Variants in HIP1 observed in about 807,000 individuals in gnomAD.
HIP1 encodes the protein huntingtin interacting protein 1, also known as huntingtin-interacting protein 1.
HIP1 carries 65 observed loss-of-function variants against 147.6 expected under a neutral mutation model. That is an observed-to-expected ratio of 0.44 (90% CI 0.36 to 0.54). HIP1 has a LOEUF of 0.54. Among genes scored for constraint, HIP1 ranks in the 20% least tolerant of loss-of-function variants. The pLI is 0.00. For missense variants in HIP1, 1,061 were observed against 1,299.6 expected (o/e 0.82, Z 2.82); for synonymous variants, 479 against 504.0 (o/e 0.95, Z 0.67).
At chr7:75,645,207 T>C (rs1444885284) in intron 1 of HIP1, among the ~76,000 whole-genome samples, 1 of 152,134 alleles carries the variant, frequency 6.6e-6, no homozygotes, top group South Asian at 2.1e-4. Flanking sequence ...TATTTTCTTT[T>C]ATTTTTTATT....
intron 2 of HIP1, among the ~76,000 whole-genome samples, chr7:75,597,556 A>G (rs1173077999): frequency 6.6e-6 from 1 of 152,060 alleles, no homozygotes; most frequent in African/African-American, 2.4e-5. Flanking sequence ...CCTGAGCAAC[A>G]TGGCAAAACC....
In HIP1 at chr7:75,626,930, CCTACA is replaced by C. The variant is rs1178154154; in HGVS notation, c.121-27688_121-27684del. 9 of 152,036 alleles carry C rather than the reference CCTACA, an allele frequency of 5.9e-5. No homozygotes were observed. The East Asian group carries it at 1.5e-3, about 26-fold the overall frequency. The allele number at this position is 152,036 out of a possible 1,614,324, so 9.4% of individuals were successfully genotyped here. A position where few individuals can be genotyped will look rare whatever the true frequency, so the allele number is the denominator to read the frequency against. ...ACACACACAGAAAAGTCTGTAAGAA[CCTACA>C]CTAAATTGTTAACAGTAGTTTTAGA... On this transcript the variant is annotated intron_variant, in intron 1 of 30. Transcript: ENST00000336926.
chr7:75,609,837 AC>A (rs1797362473), intron 1 of HIP1, among the ~76,000 whole-genome samples: 1 of 149,166 alleles, frequency 6.7e-6, no homozygotes, highest in East Asian at 2.0e-4. Context: ...TTTTTTTAAG[AC>A]TTAACCAAGC....
At chr7:75,712,069 G>A (rs146186331) in intron 1 of HIP1, among the ~76,000 whole-genome samples, 1 of 152,348 alleles carries the variant, frequency 6.6e-6, no homozygotes, top group African/African-American at 2.4e-5. Flanking sequence ...GCTGGTGACA[G>A]TTGTAGCATG....
At chr7:75,670,973 G>A (rs1350161854) in intron 1 of HIP1, among the ~76,000 whole-genome samples, 2 of 151,826 alleles carry the variant, frequency 1.3e-5, no homozygotes, top group Non-Finnish European at 2.9e-5. Flanking sequence ...CTCATATAAC[G>A]GGAGTCATGC....
At chr7:75,541,257 A>G (rs905255754) in intron 29 of HIP1, among the ~76,000 whole-genome samples, 10 of 151,890 alleles carry the variant, frequency 6.6e-5, no homozygotes, top group Non-Finnish European at 1.5e-4. Flanking sequence ...AAGGCTGGGC[A>G]CGGTGGCTCA....
chr7:75,562,274 CG>C, intron 11 of HIP1, 104 bp from the exon 12 acceptor site: 2 of 752,998 alleles, frequency 2.7e-6, no homozygotes, highest in Non-Finnish European at 4.6e-6. Context: ...TCGAATTAAA[CG>C]GTTCAGACCT....
chr7:75,568,381 C>T lies in HIP1; in HGVS notation c.746-125G>A, dbSNP rs587756835. 5 of 735,330 alleles carry T rather than the reference C, an allele frequency of 6.8e-6. No individual in the cohort carries two copies. The highest frequency in any genetic ancestry group is 3.4e-5 in the African/African-American group (2 of 58,470). 45.6% of individuals were successfully genotyped at this position (735,330 alleles called of 1,614,324 possible). A position where few individuals can be genotyped will look rare whatever the true frequency, so the allele number is the denominator to read the frequency against. ...ATGTGGCCAGCACTGCCAGGGGCCA[C>T]GACTGGCCTAGAGCTGTCCCGAGGT... On this transcript the variant is annotated intron_variant, in intron 8 of 30. Coordinates refer to ENST00000336926, the MANE Select transcript of HIP1 (RefSeq NM_005338.7). This position sits in a 1 kb window ranked among gnomAD's most constrained non-coding sequence, Gnocchi z 4.1.
intron 1 of HIP1, among the ~76,000 whole-genome samples, chr7:75,727,447 A>G (rs1554522488): frequency 6.7e-6 from 1 of 150,094 alleles, no homozygotes; most frequent in African/African-American, 2.5e-5. Flanking sequence ...TTTCTCTTAA[A>G]TTTTTTACAT....
chr7:75,601,700 A>C (rs935569800), intron 1 of HIP1, among the ~76,000 whole-genome samples: 1 of 152,292 alleles, frequency 6.6e-6, no homozygotes, highest in African/African-American at 2.4e-5. Context: ...TATTCATTTA[A>C]TATCAGCTGA....
intron 1 of HIP1, among the ~76,000 whole-genome samples, chr7:75,612,678 G>T (rs1797486051): frequency 2.0e-5 from 3 of 150,994 alleles, no homozygotes; most frequent in Non-Finnish European, 4.4e-5. Flanking sequence ...GCCTGGTGGT[G>T]GGCGCCTGTA....
chr7:75,639,498 C>A (rs1177857411), intron 1 of HIP1, among the ~76,000 whole-genome samples: 1 of 151,836 alleles, frequency 6.6e-6, no homozygotes, highest in South Asian at 2.1e-4. Flanking sequence ...GTGGCTTCTC[C>A]CCAGAGTTCC....
chr7:75,639,670 T>C (rs1408579744), intron 1 of HIP1, among the ~76,000 whole-genome samples: 1 of 146,992 alleles, frequency 6.8e-6, no homozygotes, highest in East Asian at 2.0e-4. Context: ...ACTCAGGAAG[T>C]GAGCAGGGGA....
chr7:75,539,293 G>T, intron 30 of HIP1, 30 bp downstream of exon 30: 2 of 1,523,012 alleles, frequency 1.3e-6, no homozygotes, highest in East Asian at 2.3e-5. Context: ...CCCTGCTGCG[G>T]GTTAGTGCCC....
intron 1 of HIP1, among the ~76,000 whole-genome samples, chr7:75,639,476 G>A (rs373483594): frequency 1.3e-5 from 2 of 151,918 alleles, no homozygotes; most frequent in Non-Finnish European, 2.9e-5. Flanking sequence ...GATGTGATTT[G>A]AATAACAAAA....
rs117272174 is a variant in HIP1, at chr7:75,553,582, G to A, written c.2166C>T (p.Thr722=). 2.2e-4 allele frequency: 359 copies of A among 1,613,726 alleles called. 4 individuals are homozygous for A. The East Asian group carries it at 7.4e-3, about 33-fold the overall frequency. ...RAPPEPADSL[T]EACKQYGRET... ...CCCTGCCATACTGCTTACAGGCCTC[G>A]GTCAGTGCTGGAGATACAAGGCAAT... Residue 722 remains threonine (T), a synonymous_variant, in exon 22 of 31, where the codon ACC becomes ACT. Coordinates refer to ENST00000336926, the MANE Select transcript of HIP1 (RefSeq NM_005338.7).
rs1799513220 is a variant in HIP1 at position 75,665,088 on chromosome 7, T to C, written c.121-65841A>G. On this transcript the variant is annotated intron_variant, in intron 1 of 30. Coordinates refer to ENST00000336926, the MANE Select transcript of HIP1 (RefSeq NM_005338.7). ...AAATATAGTGAATATAGTGAGACCC[T>C]GTTTCTACAAAAAAAATTTAAAAAT... Among the ~76,000 whole-genome samples, 7 of 152,038 alleles carry C rather than the reference T, an allele frequency of 4.6e-5. No individual in the cohort carries two copies. In the South Asian group the frequency reaches 1.5e-3, roughly 32 times the overall value.
chr7:75,692,898 C>T (rs1270489939), intron 1 of HIP1, among the ~76,000 whole-genome samples: 3 of 152,112 alleles, frequency 2.0e-5, no homozygotes, highest in Admixed American at 6.6e-5. Context: ...GGCATGGTGT[C>T]TTATGCCTGT....
intron 22 of HIP1, among the ~76,000 whole-genome samples, 192 bp downstream of exon 22, chr7:75,553,261 C>T (rs1407212085): frequency 6.6e-6 from 1 of 152,128 alleles, no homozygotes; most frequent in African/African-American, 2.4e-5. Flanking sequence ...CTGACTCGGC[C>T]TCCCAAAGTG....
Sources: gnomAD v4.1 joint callset for allele counts (sites outside exome capture counted in the v4.1 genomes callset) on GRCh38, gnomAD v4.1.1 for gene constraint, Gnocchi (gnomAD v3.1) non-coding constraint, MANE v1.5 for transcripts, NCBI Gene and HGNC (gene_info 2026-07-23, HGNC 2026-07-21) for gene names.